The following PIK3R5 variants were observed in gnomAD, a reference collection of about 807,000 sequenced individuals.
PIK3R5 encodes phosphoinositide 3-kinase regulatory subunit 5.
Under a neutral mutation model 94.9 loss-of-function variants are expected in PIK3R5, and 32 were observed. The ratio of observed to expected loss-of-function variants is 0.34; its 90% confidence interval spans 0.25 to 0.45. PIK3R5 has a LOEUF of 0.45. Ranked by LOEUF, PIK3R5 falls within the 20% of genes least tolerant of loss-of-function variation. The probability of loss-of-function intolerance (pLI) is 1.00; values close to 1 mark genes in which losing one functional copy is unlikely to be tolerated. For missense variants in PIK3R5, 853 were observed against 1,144.6 expected (o/e 0.75, Z 3.68); for synonymous variants, 443 against 479.4 (o/e 0.92, Z 0.99).
At chr17:8,915,030 G>A (rs961534453) in intron 1 of PIK3R5, among the ~76,000 whole-genome samples, 1 of 152,224 alleles carries the variant, frequency 6.6e-6, no homozygotes, top group Non-Finnish European at 1.5e-5. Context: ...GGGGGTCTGG[G>A]GTTTCAACCA....
rs1005684159 is a variant in PIK3R5 at position 8,882,098 on chromosome 17, C to T, written c.2206-217G>A. 1.8e-6 allele frequency: 1 copy of T among 568,354 alleles called. No individual in the cohort carries two copies. Among genetic ancestry groups the T allele is most frequent in the Non-Finnish European group, 3.2e-6 (1 of 316,688 alleles). 35.2% of individuals were successfully genotyped at this position (568,354 alleles called of 1,614,324 possible). A position where few individuals can be genotyped will look rare whatever the true frequency, so the allele number is the denominator to read the frequency against. The stretch of plus-strand genomic sequence containing the variant: ...GGCTTGGTCTAGGGGTCAGCAGCCT[C>T]TGTGACCAGGTTGAAAGGTACAAGA... On this transcript the variant is annotated intron_variant, in intron 15 of 18. Coordinates refer to ENST00000447110, the MANE Select transcript of PIK3R5 (RefSeq NM_001142633.3). The surrounding 1 kb of genome is among the most constrained non-coding windows in gnomAD (Gnocchi z 4.1).
rs1310780615 is a variant in PIK3R5 at position 8,955,983 on chromosome 17, T to A, written c.-14+9613A>T. Among the ~76,000 whole-genome samples, 3 of 152,026 alleles carry A rather than the reference T, an allele frequency of 2.0e-5. No individual in the cohort carries two copies. The highest frequency in any genetic ancestry group is 2.0e-4 in the Admixed American group (3 of 15,268). On this transcript the variant is annotated intron_variant, in intron 1 of 18. Transcript: ENST00000447110. This position sits in a 1 kb window ranked among gnomAD's most constrained non-coding sequence, Gnocchi z 4.4. Reference sequence around the variant, plus strand: ...CAGCCTGGGCAACATAGTGAGACCCTGTCTCTACAAAAAACACACACAAAA... The same window carrying A: ...CAGCCTGGGCAACATAGTGAGACCCAGTCTCTACAAAAAACACACACAAAA...
At chr17:8,914,042 T>G (rs1370620054) in intron 1 of PIK3R5, among the ~76,000 whole-genome samples, 1 of 152,220 alleles carries the variant, frequency 6.6e-6, no homozygotes, top group Admixed American at 6.5e-5. Context: ...GTGGGTCCTA[T>G]TCCAGCTCAG....
chr17:8,882,801 C>A lies in PIK3R5; in HGVS notation c.2206-920G>T. On this transcript the variant is annotated intron_variant, in intron 15 of 18. Transcript: ENST00000447110. This position sits in a 1 kb window ranked among gnomAD's most constrained non-coding sequence, Gnocchi z 4.1. ...TTTCCTAACCCATCCATGGGCCCTG[C>A]TGATTACATCACTCACATCTGTCTC... 6.6e-6 allele frequency among the ~76,000 whole-genome samples: 1 copy of A among 152,186 alleles called. No homozygotes were observed. Among genetic ancestry groups the A allele is most frequent in the African/African-American group, 2.4e-5 (1 of 41,438 alleles).
At chr17:8,941,520 C>T (rs183802177) in intron 1 of PIK3R5, among the ~76,000 whole-genome samples, 5 of 152,332 alleles carry the variant, frequency 3.3e-5, no homozygotes, top group Admixed American at 3.3e-4. Context: ...AAAATGTACA[C>T]CAGCAGCCCC....
rs1288591093 is a variant in PIK3R5 at position 8,911,963 on chromosome 17, G to A, written c.-13-456C>T. Reference sequence around the variant, plus strand: ...CAGAGAGCGTGTTCCTGATGACAAGGCCACAGCAACTCCCTCAATATGCTT... The same window carrying A: ...CAGAGAGCGTGTTCCTGATGACAAGACCACAGCAACTCCCTCAATATGCTT... On this transcript the variant is annotated intron_variant, in intron 1 of 18. Transcript: ENST00000447110. This position sits in a 1 kb window ranked among gnomAD's most constrained non-coding sequence, Gnocchi z 5.3. The A allele has an allele frequency of 6.5e-6, 1 of 153,062 alleles. No individual in the cohort carries two copies. Among genetic ancestry groups the A allele is most frequent in the African/African-American group, 2.4e-5 (1 of 41,458 alleles). 9.5% of individuals were successfully genotyped at this position (153,062 alleles called of 1,614,324 possible). A position where few individuals can be genotyped will look rare whatever the true frequency, so the allele number is the denominator to read the frequency against.
At position 8,889,706 on chromosome 17, in the gene PIK3R5, C is replaced by A. The variant is rs1421815334; in HGVS notation, c.811+267G>T. Reference sequence around the variant, plus strand: ...AGTGATGTGCCCAGCTTCTGCATCACCTTCAACAGAAAAGCCCAGCCTTTG... The same window carrying A: ...AGTGATGTGCCCAGCTTCTGCATCAACTTCAACAGAAAAGCCCAGCCTTTG... On this transcript the variant is annotated intron_variant, in intron 8 of 18. Transcript: ENST00000447110. This position sits in a 1 kb window ranked among gnomAD's most constrained non-coding sequence, Gnocchi z 4.1. Among the ~76,000 whole-genome samples the A allele has an allele frequency of 6.6e-6, 1 of 152,132 alleles. No individual in the cohort carries two copies. The highest frequency in any genetic ancestry group is 6.5e-5 in the Admixed American group (1 of 15,284).
At chr17:8,964,169 T>C (rs185285017) in intron 1 of PIK3R5, among the ~76,000 whole-genome samples, 11 of 152,172 alleles carry the variant, frequency 7.2e-5, no homozygotes, top group Admixed American at 7.2e-4. Flanking sequence ...GGTAGACGGA[T>C]CGCTTGAGCT....
Position 8,905,670 on chromosome 17 carries a change from C to G in PIK3R5, c.272G>C (p.Cys91Ser), listed in dbSNP as rs1461351110. 1 of 1,600,204 alleles carries G rather than the reference C, an allele frequency of 6.2e-7. No homozygotes were observed. Among genetic ancestry groups the G allele is most frequent in the African/African-American group, 1.3e-5 (1 of 74,644 alleles). Residue 91 changes from cysteine (C) to serine (S), a missense_variant and splice_region_variant, in exon 4 of 19, where the codon TGT becomes TCT. Cys to Ser is a moderately radical substitution (Grantham distance 112). Transcript: ENST00000447110. ...GCATCCTGGCCCACGTGGACTTACA[C>G]AAAGAACAGTGGAATAGAAGAGCAG... ...LALLFYSTVL[C>S]TPHFPPDSDL... is the part of the protein sequence containing the mutation.
At chr17:8,950,216 G>T (rs1297636316) in intron 1 of PIK3R5, among the ~76,000 whole-genome samples, 1 of 152,258 alleles carries the variant, frequency 6.6e-6, no homozygotes, top group African/African-American at 2.4e-5. Context: ...CCCAAAGGGT[G>T]TTGAGTAGCT....
intron 1 of PIK3R5, among the ~76,000 whole-genome samples, chr17:8,912,219 A>G (rs1409717347): frequency 1.3e-5 from 2 of 152,146 alleles, no homozygotes; most frequent in African/African-American, 4.8e-5. Context: ...TTAGCCCCGT[A>G]TGGGGAACTG....
chr17:8,930,356 G>A (rs1212989509), intron 1 of PIK3R5, among the ~76,000 whole-genome samples: 8 of 152,038 alleles, frequency 5.3e-5, no homozygotes, highest in Admixed American at 2.0e-4. Flanking sequence ...GGGCCAAAGA[G>A]GAAGTCTCAA....
intron 13 of PIK3R5, 49 bp from the exon 14 acceptor site, chr17:8,886,371 C>A (rs1368064854): frequency 6.3e-7 from 1 of 1,599,040 alleles, no homozygotes; most frequent in Non-Finnish European, 8.6e-7. Flanking sequence ...CTGGAGGGGC[C>A]CATTTGGCTC....
intron 1 of PIK3R5, among the ~76,000 whole-genome samples, chr17:8,928,220 G>A (rs549484405): frequency 9.2e-5 from 14 of 152,220 alleles, no homozygotes; most frequent in South Asian, 2.1e-4. Context: ...AAAGAAGGCC[G>A]GGCTGAAAAA....
chr17:8,888,743 G>A lies in PIK3R5; in HGVS notation c.1044C>T (p.Ser348=), dbSNP rs1389887841. ...GHCAERDSLL[S]TSSLASHDST... is the part of the protein sequence containing the mutation. ...AGTCATGGGACGCCAAAGAGCTGGT[G>A]GAGAGCAGGGAATCTCTCTCGGCAC... The change falls in exon 10 of 19, where the codon TCC becomes TCT. Residue 348 remains serine (S), a synonymous_variant. Transcript: ENST00000447110. This position sits in a 1 kb window ranked among gnomAD's most constrained non-coding sequence, Gnocchi z 7.8. 8 of 1,613,634 alleles carry A rather than the reference G, an allele frequency of 5.0e-6. No individual in the cohort carries two copies. The highest frequency in any genetic ancestry group is 1.7e-5 in the Admixed American group (1 of 60,030).
At position 8,904,765 on chromosome 17, in the gene PIK3R5, C is replaced by G; in HGVS notation, c.412+12G>C. The G allele has an allele frequency of 6.2e-7, 1 of 1,613,796 alleles. No individual in the cohort carries two copies. The highest frequency in any genetic ancestry group is 8.5e-7 in the Non-Finnish European group (1 of 1,179,794). On this transcript the variant is annotated intron_variant, in intron 5 of 18. Coordinates refer to ENST00000447110, the MANE Select transcript of PIK3R5 (RefSeq NM_001142633.3). The surrounding 1 kb of genome is among the most constrained non-coding windows in gnomAD (Gnocchi z 5.1). Reference sequence around the variant, plus strand: ...GAGCCCTGTCCCCCGTGCCAGCTGCCTCAGTGCTTACCTGGGGCCTTGAGT... The same window carrying G: ...GAGCCCTGTCCCCCGTGCCAGCTGCGTCAGTGCTTACCTGGGGCCTTGAGT...
Position 8,911,252 on chromosome 17 carries a change from G to C in PIK3R5, c.103+140C>G. 1 of 654,718 alleles carries C rather than the reference G, an allele frequency of 1.5e-6. No homozygotes were observed. Among genetic ancestry groups the C allele is most frequent in the African/African-American group, 1.8e-5 (1 of 55,746 alleles). 40.6% of individuals were successfully genotyped at this position (654,718 alleles called of 1,614,324 possible). A position where few individuals can be genotyped will look rare whatever the true frequency, so the allele number is the denominator to read the frequency against. ...AGTGCTGCGCCAGGCACCTGCCCAG[G>C]AGAAGGCTGAGGCTTGCCCAAGTCA... On this transcript the variant is annotated intron_variant, in intron 2 of 18. Coordinates refer to ENST00000447110, the MANE Select transcript of PIK3R5 (RefSeq NM_001142633.3). This position sits in a 1 kb window ranked among gnomAD's most constrained non-coding sequence, Gnocchi z 5.3.
rs921893632 is a variant in PIK3R5 at position 8,893,403 on chromosome 17, A to G, written c.482+183T>C. 2.0e-5 allele frequency among the ~76,000 whole-genome samples: 3 copies of G among 152,146 alleles called. No individual in the cohort carries two copies. The highest frequency in any genetic ancestry group is 6.5e-5 in the Admixed American group (1 of 15,280). On this transcript the variant is annotated intron_variant, in intron 6 of 18. Transcript: ENST00000447110. This position sits in a 1 kb window ranked among gnomAD's most constrained non-coding sequence, Gnocchi z 5.1. ...CGTCAGCCTAGAAAAACACACCTGG[A>G]CACAAAATATCACCAGCAGTGCCAG...
chr17:8,918,985 T>C (rs1046854058), intron 1 of PIK3R5, among the ~76,000 whole-genome samples: 2 of 152,212 alleles, frequency 1.3e-5, no homozygotes, highest in African/African-American at 4.8e-5. Context: ...ACATTCTATA[T>C]GGTGATTACT....
Sources: allele counts gnomAD v4.1 joint callset (sites outside exome capture counted in the v4.1 genomes callset), GRCh38; gene constraint gnomAD v4.1.1; non-coding constraint Gnocchi (gnomAD v3.1); transcripts MANE v1.5; gene names NCBI Gene and HGNC (gene_info 2026-07-23, HGNC 2026-07-21).